The following MOB1B variants were observed in gnomAD, a reference collection of about 807,000 sequenced individuals.
MOB1B encodes MOB1 Mps One Binder homolog B.
In MOB1B, 19 loss-of-function variants were observed where a neutral mutation model predicts 24.4. The ratio of observed to expected loss-of-function variants is 0.78; its 90% CI spans 0.54 to 1.14. The LOEUF is 1.14. Among genes scored for constraint, MOB1B ranks in the 50% most tolerant of loss-of-function variants. The pLI, the probability that MOB1B is intolerant of heterozygous loss-of-function variation, is 0.00. For missense variants in MOB1B, 243 were observed against 259.6 expected, an observed-to-expected ratio of 0.94 and a Z score of 0.44; for synonymous variants, 76 against 82.1, an observed-to-expected ratio of 0.93 and a Z score of 0.40.
chr4:70,906,263 A>G (rs141634035), intron 1 of MOB1B, among the ~76,000 whole-genome samples: 3,079 of 152,222 alleles, frequency 0.02, 44 homozygotes, highest in Non-Finnish European at 0.034. Flanking sequence ...CTATAATCCC[A>G]GTTACATGGG....
chr4:70,981,201 T>C (rs1175730284), intron 5 of MOB1B, among the ~76,000 whole-genome samples: 1 of 152,232 alleles, frequency 6.6e-6, no homozygotes, highest in Non-Finnish European at 1.5e-5. Context: ...GGTCCTGTTA[T>C]TAAATATCCT....
intron 2 of MOB1B, among the ~76,000 whole-genome samples, chr4:70,960,465 A>G (rs1738258113): frequency 6.6e-6 from 1 of 152,234 alleles, no homozygotes; most frequent in Non-Finnish European, 1.5e-5. Flanking sequence ...TCTAGGCTTT[A>G]AGGAAATGCA....
intron 1 of MOB1B, among the ~76,000 whole-genome samples, chr4:70,956,214 A>G (rs1738043829): frequency 6.6e-6 from 1 of 152,182 alleles, no homozygotes; most frequent in Non-Finnish European, 1.5e-5. Flanking sequence ...TGTTCTAAGC[A>G]GAGATGTATC....
chr4:70,979,861 C>T (rs1459725568), intron 5 of MOB1B, among the ~76,000 whole-genome samples: 1 of 152,066 alleles, frequency 6.6e-6, no homozygotes, highest in African/African-American at 2.4e-5. Flanking sequence ...TTTTAGTCTT[C>T]AAATAACTGG....
chr4:70,915,489 G>C (rs1736160907), intron 1 of MOB1B, among the ~76,000 whole-genome samples: 1 of 152,222 alleles, frequency 6.6e-6, no homozygotes, highest in Non-Finnish European at 1.5e-5. Flanking sequence ...CTATGTAAGG[G>C]AGGTTAAATA....
intron 1 of MOB1B, among the ~76,000 whole-genome samples, chr4:70,916,246 CATT>C (rs1427617046): frequency 6.6e-6 from 1 of 152,134 alleles, no homozygotes; most frequent in Non-Finnish European, 1.5e-5. Flanking sequence ...TCTCAGTTAC[CATT>C]ATTTTGGGTT....
intron 1 of MOB1B, among the ~76,000 whole-genome samples, chr4:70,912,989 T>C (rs150679825): frequency 2.0e-5 from 3 of 152,166 alleles, no homozygotes; most frequent in African/African-American, 7.2e-5. Flanking sequence ...ACTTCTGGGC[T>C]CAAGCAATTT....
chr4:70,938,530 C>T (rs1171113332), intron 1 of MOB1B, among the ~76,000 whole-genome samples: 1 of 152,014 alleles, frequency 6.6e-6, no homozygotes, highest in African/African-American at 2.4e-5. Flanking sequence ...GTTTTGCCCT[C>T]TCCATAGAAT....
chr4:70,959,036 T>C lies in MOB1B; in HGVS notation c.177T>C (p.Val59=). 1 of 1,613,124 alleles carries C rather than the reference T, an allele frequency of 6.2e-7. No homozygotes were observed. The highest frequency in any genetic ancestry group is 8.5e-7 in the Non-Finnish European group (1 of 1,179,676). The stretch of plus-strand genomic sequence containing the variant: ...AAGATCTCAATGAATGGGTTGCAGT[T>C]AACAGTAAGTAGCCTTTTTATTTCT... ...EGEDLNEWVA[V]NTVDFFNQIN... is the part of the protein sequence containing the mutation. Residue 59 remains valine (V), a synonymous_variant, in exon 2 of 6, where the codon GTT becomes GTC. Transcript: ENST00000309395.
At chr4:70,925,879 GT>G (rs1395153803) in intron 1 of MOB1B, among the ~76,000 whole-genome samples, 2 of 152,076 alleles carry the variant, frequency 1.3e-5, no homozygotes, top group East Asian at 1.9e-4. Flanking sequence ...TGTTTAATGT[GT>G]TTTTTTCTCC....
chr4:70,971,591 T>TA (rs1471365580), intron 3 of MOB1B, among the ~76,000 whole-genome samples: 2 of 152,262 alleles, frequency 1.3e-5, no homozygotes, highest in East Asian at 3.9e-4. Flanking sequence ...TGTTACTTGT[T>TA]ATTTCGGGAA....
chr4:70,953,630 G>A (rs992854712), intron 1 of MOB1B, among the ~76,000 whole-genome samples: 1 of 152,148 alleles, frequency 6.6e-6, no homozygotes, highest in Non-Finnish European at 1.5e-5. Context: ...ATAATTTGTG[G>A]TTTCTTAAGT....
At chr4:70,950,427 C>CAAAA (rs34937726) in intron 1 of MOB1B, among the ~76,000 whole-genome samples, 21 of 70,160 alleles carry the variant, frequency 3.0e-4, no homozygotes, top group Admixed American at 6.4e-4. Context: ...GTCTCTGTAT[C>CAAAA]AAAAAAAAAA....
chr4:70,962,510 GAC>G lies in MOB1B; in HGVS notation c.181+3474_181+3475del, dbSNP rs560580176. Among the ~76,000 whole-genome samples, 17 of 151,848 alleles carry G rather than the reference GAC, an allele frequency of 1.1e-4. No homozygotes were observed. The South Asian group carries it at 3.5e-3, about 32-fold the overall frequency. On this transcript the variant is annotated intron_variant, in intron 2 of 5. Transcript: ENST00000309395. ...ATCCAGATGCAGAAATATAAATCTA[GAC>G]ACAGATTTACACCTTTCAGAAAAAT...
intron 1 of MOB1B, among the ~76,000 whole-genome samples, chr4:70,910,302 A>G (rs1438936459): frequency 6.6e-6 from 1 of 152,048 alleles, no homozygotes; most frequent in Non-Finnish European, 1.5e-5. Flanking sequence ...CGGCCTCCCA[A>G]AGCGCTGGGA....
rs182711359 is a variant in MOB1B at position 70,987,495 on chromosome 4, A to G, written c.*5438A>G. 3.9e-5 allele frequency: 6 copies of G among 152,210 alleles called. No homozygotes were observed. The highest frequency in any genetic ancestry group is 7.2e-5 in the African/African-American group (3 of 41,570). 9.4% of individuals were successfully genotyped at this position (152,210 alleles called of 1,614,324 possible). A position where few individuals can be genotyped will look rare whatever the true frequency, so the allele number is the denominator to read the frequency against. On this transcript the variant is annotated 3_prime_UTR_variant, in exon 6 of 6. Coordinates refer to ENST00000309395, the MANE Select transcript of MOB1B (RefSeq NM_173468.4). Reference sequence around the variant, plus strand: ...TTCGACAGAAATGACTTTTTAGGGAAAGTAGTTTTTTTGGAGCTACTAACT... The same window carrying G: ...TTCGACAGAAATGACTTTTTAGGGAGAGTAGTTTTTTTGGAGCTACTAACT...
At chr4:70,915,888 C>T (rs1736174359) in intron 1 of MOB1B, among the ~76,000 whole-genome samples, 1 of 151,404 alleles carries the variant, frequency 6.6e-6, no homozygotes, top group Non-Finnish European at 1.5e-5. Context: ...TGGCTGGAAC[C>T]TTTGTTGCCT....
chr4:70,934,918 T>C lies in MOB1B; in HGVS notation c.15-23956T>C, dbSNP rs1351028590. On this transcript the variant is annotated intron_variant, in intron 1 of 5. Coordinates refer to ENST00000309395, the MANE Select transcript of MOB1B (RefSeq NM_173468.4). ...TTTCTTATAATTAAAAAAATTATTT[T>C]TAATTTTTAAGATTAATTATTATTA... Among the ~76,000 whole-genome samples, 4 of 151,776 alleles carry C rather than the reference T, an allele frequency of 2.6e-5. No individual in the cohort carries two copies. In the South Asian group the frequency reaches 8.3e-4, roughly 31 times the overall value.
In MOB1B at chr4:70,940,292, A is replaced by G. The variant is rs540070662; in HGVS notation, c.15-18582A>G. ...CATGGGCACAGGCCCAGCCCTCTCC[A>G]GAGACCCACCTTCCTCTGTCTACCC... On this transcript the variant is annotated intron_variant, in intron 1 of 5. Coordinates refer to ENST00000309395, the MANE Select transcript of MOB1B (RefSeq NM_173468.4). 4.3e-4 allele frequency among the ~76,000 whole-genome samples: 66 copies of G among 152,204 alleles called. 1 individual carries two copies. The highest frequency in any genetic ancestry group is 6.9e-4 in the Non-Finnish European group (47 of 68,000).
Sources: gnomAD v4.1 joint callset for allele counts (sites outside exome capture counted in the v4.1 genomes callset) on GRCh38, gnomAD v4.1.1 for gene constraint, MANE v1.5 for transcripts, NCBI Gene and HGNC (gene_info 2026-07-23, HGNC 2026-07-21) for gene names.